The following MGAT4C variants were observed in gnomAD, a reference collection of about 807,000 sequenced individuals.
MGAT4C encodes MGAT4 family member C, also known as alpha-1,3-mannosyl-glycoprotein 4-beta-N-acetylglucosaminyltransferase C.
Under a neutral mutation model 40.1 loss-of-function variants are expected in MGAT4C, and 19 were observed. The ratio of observed to expected loss-of-function variants is 0.47; its 90% CI spans 0.33 to 0.70. The LOEUF (loss-of-function observed/expected upper bound fraction) is 0.70. Among genes scored for constraint, MGAT4C ranks in the 30% least tolerant of loss-of-function variants. MGAT4C has a pLI of 0.02. For synonymous variants in MGAT4C, 181 were observed against 187.1 expected (o/e 0.97, Z 0.27); for missense variants, 491 against 563.2 (o/e 0.87, Z 1.30).
intron 1 of MGAT4C, among the ~76,000 whole-genome samples, chr12:86,083,810 G>A (rs1333816742): frequency 6.6e-6 from 1 of 152,036 alleles, no homozygotes; most frequent in Non-Finnish European, 1.5e-5. Context: ...TAGCTTATGA[G>A]CAATATGAAT....
At chr12:86,018,913 G>A (rs533980015) in intron 2 of MGAT4C, among the ~76,000 whole-genome samples, 82 of 152,044 alleles carry the variant, frequency 5.4e-4, no homozygotes, top group Non-Finnish European at 7.7e-4. Flanking sequence ...CTTGAGATGA[G>A]GATTGGGAAG....
intron 2 of MGAT4C, among the ~76,000 whole-genome samples, chr12:86,612,202 A>G (rs1295718529): frequency 6.6e-6 from 1 of 152,040 alleles, no homozygotes; most frequent in Admixed American, 6.6e-5. Context: ...GCATTATGCT[A>G]CTTGAGATTT....
intron 2 of MGAT4C, among the ~76,000 whole-genome samples, chr12:86,549,501 A>G (rs1959245072): frequency 6.6e-6 from 1 of 152,206 alleles, no homozygotes; most frequent in African/African-American, 2.4e-5. Context: ...GATAATTTAC[A>G]GACTAGGCTT....
In MGAT4C at chr12:86,020,998, C is replaced by A. The variant is rs554734953; in HGVS notation, c.-7+28676G>T. Among the ~76,000 whole-genome samples the A allele has an allele frequency of 7.3e-3, 1,110 of 152,306 alleles. 9 individuals are homozygous for A. The highest frequency in any genetic ancestry group is 0.011 in the Non-Finnish European group (751 of 68,028). The stretch of plus-strand genomic sequence containing the variant: ...AGACACATGAAAAAATGCTCATCAT[C>A]ACTGGCCATGAGAGAAATGCAAATC... On this transcript the variant is annotated intron_variant, in intron 2 of 4. Coordinates refer to ENST00000611864, the MANE Select transcript of MGAT4C (RefSeq NM_001351288.2).
At chr12:86,072,547 A>AT (rs576577815) in intron 1 of MGAT4C, among the ~76,000 whole-genome samples, 65 of 152,216 alleles carry the variant, frequency 4.3e-4, no homozygotes, top group African/African-American at 1.4e-3. Context: ...AAACAGATGC[A>AT]TTTTTTCCCC....
At chr12:86,819,410 GA>G (rs1202885270) in intron 1 of MGAT4C, among the ~76,000 whole-genome samples, 2 of 150,454 alleles carry the variant, frequency 1.3e-5, no homozygotes, top group Non-Finnish European at 3.0e-5. Flanking sequence ...ATGCAAAAAA[GA>G]AAAAAACTAT....
chr12:86,204,035 T>G (rs983925325), intron 1 of MGAT4C, among the ~76,000 whole-genome samples: 1 of 150,074 alleles, frequency 6.7e-6, no homozygotes, highest in Non-Finnish European at 1.5e-5. Flanking sequence ...ATAAAGAAAT[T>G]AGAAGCAGAA....
intron 4 of MGAT4C, among the ~76,000 whole-genome samples, chr12:86,314,671 G>A (rs564797320): frequency 2.0e-5 from 3 of 152,318 alleles, no homozygotes; most frequent in Admixed American, 2.0e-4. Flanking sequence ...GCAAAAACCA[G>A]TAGCAGATTC....
intron 2 of MGAT4C, among the ~76,000 whole-genome samples, chr12:86,568,545 C>CAT (rs1232291041): frequency 0.31 from 42,684 of 138,528 alleles, 6,772 homozygotes; most frequent in South Asian, 0.41. Flanking sequence ...AACTCCCCTT[C>CAT]ATATATATAT....
At chr12:86,804,405 T>C (rs1185165345) in intron 1 of MGAT4C, among the ~76,000 whole-genome samples, 1 of 148,460 alleles carries the variant, frequency 6.7e-6, no homozygotes, top group Non-Finnish European at 1.5e-5. Flanking sequence ...ACCCTAAAAC[T>C]TAAAGTATAA....
intron 1 of MGAT4C, among the ~76,000 whole-genome samples, chr12:86,125,604 C>T (rs913900987): frequency 4.0e-5 from 6 of 151,794 alleles, no homozygotes; most frequent in Non-Finnish European, 7.4e-5. Context: ...AAAGAGACTA[C>T]GTTATAGAAA....
chr12:85,989,479 C>A lies in MGAT4C; in HGVS notation c.68G>T (p.Arg23Leu). 6.2e-7 allele frequency: 1 copy of A among 1,606,298 alleles called. No homozygotes were observed. The highest frequency in any genetic ancestry group is 1.1e-5 in the South Asian group (1 of 89,920). The change falls in exon 3 of 5, where the codon CGT becomes CTT. Residue 23 changes from arginine (R) to leucine (L), a missense_variant. Physicochemically the swap from Arg to Leu is moderately radical, Grantham distance 102. Transcript: ENST00000611864. ...ILDKMRCLRK[R>L]STVSFLGVLV... Reference sequence around the variant, plus strand: ...AACTCCCAAGAATGACACTGTAGAACGTTTTCTCAGGCATCTCATTTTATC... The same window carrying A: ...AACTCCCAAGAATGACACTGTAGAAAGTTTTCTCAGGCATCTCATTTTATC...
chr12:86,021,705 T>C (rs1889750033), intron 2 of MGAT4C, among the ~76,000 whole-genome samples: 1 of 152,008 alleles, frequency 6.6e-6, no homozygotes, highest in Non-Finnish European at 1.5e-5. Flanking sequence ...AACCTGCACG[T>C]TGTGCACATG....
intron 2 of MGAT4C, among the ~76,000 whole-genome samples, chr12:86,489,599 C>A (rs928717900): frequency 6.6e-6 from 1 of 152,208 alleles, no homozygotes; most frequent in Non-Finnish European, 1.5e-5. Flanking sequence ...GCACCCTGAC[C>A]TGGATGCTAC....
chr12:86,835,300 G>A (rs1167485857), intron 1 of MGAT4C, among the ~76,000 whole-genome samples: 2 of 151,836 alleles, frequency 1.3e-5, no homozygotes, highest in Non-Finnish European at 2.9e-5. Context: ...TCACAGTTAA[G>A]GTCAACATCT....
intron 2 of MGAT4C, among the ~76,000 whole-genome samples, chr12:86,476,145 C>T (rs1288258193): frequency 6.6e-6 from 1 of 152,048 alleles, no homozygotes; most frequent in African/African-American, 2.4e-5. Flanking sequence ...ATTCTTTATA[C>T]ATTACGTAAA....
intron 3 of MGAT4C, among the ~76,000 whole-genome samples, chr12:86,424,456 C>T (rs930169286): frequency 5.3e-5 from 8 of 152,018 alleles, no homozygotes; most frequent in African/African-American, 1.9e-4. Context: ...TGGCTATATA[C>T]TTCTTAAAAA....
At chr12:86,487,194 T>C (rs928635752) in intron 2 of MGAT4C, among the ~76,000 whole-genome samples, 3 of 152,182 alleles carry the variant, frequency 2.0e-5, no homozygotes, top group Non-Finnish European at 4.4e-5. Context: ...GATCATTCTC[T>C]GTGAAAGAGA....
chr12:86,295,896 G>T, intron 4 of MGAT4C, among the ~76,000 whole-genome samples: 1 of 143,740 alleles, frequency 7.0e-6, no homozygotes, highest in African/African-American at 2.6e-5. Context: ...GCTAAACACA[G>T]GGTGCCGACT....
Sources: gnomAD v4.1 joint callset for allele counts (sites outside exome capture counted in the v4.1 genomes callset) on GRCh38, gnomAD v4.1.1 for gene constraint, MANE v1.5 for transcripts, NCBI Gene and HGNC (gene_info 2026-07-23, HGNC 2026-07-21) for gene names.